GREB1: variants seen among roughly 807,000 people sequenced by gnomAD.
GREB1 encodes protein GREB1.
In GREB1, 106 loss-of-function variants were observed where a neutral mutation model predicts 200.7. That is an observed-to-expected ratio of 0.53 (90% confidence interval 0.45 to 0.62). GREB1 has a LOEUF of 0.62. GREB1 is among the 20% of genes least tolerant of loss of function. The pLI, the probability that GREB1 is intolerant of heterozygous loss-of-function variation, is 0.00. For synonymous variants in GREB1, 1,132 were observed against 1,092.4 expected (o/e 1.04, Z -0.72); for missense variants, 2,243 against 2,556.8 (o/e 0.88, Z 2.65).
chr2:11,484,603 A>G (rs1338467820), intron 1 of GREB1, among the ~76,000 whole-genome samples: 2 of 142,714 alleles, frequency 1.4e-5, no homozygotes, highest in Non-Finnish European at 1.5e-5. Context: ...AAAAAAAAAA[A>G]AAAAAGAAAG....
At chr2:11,624,454 C>T (rs1684272112) in intron 23 of GREB1, among the ~76,000 whole-genome samples, 2 of 150,812 alleles carry the variant, frequency 1.3e-5, no homozygotes, top group Admixed American at 6.7e-5. Flanking sequence ...AAGTCATTCT[C>T]CTGCCTCAGC....
intron 9 of GREB1, 119 bp downstream of exon 9, chr2:11,586,024 C>A (rs1186479745): frequency 8.7e-6 from 9 of 1,029,696 alleles, no homozygotes; most frequent in Non-Finnish European, 1.3e-5. Context: ...TGAGACAAAC[C>A]TAAAATGCTT....
chr2:11,588,298 A>G, intron 9 of GREB1: 1 of 1,089,064 alleles, frequency 9.2e-7, no homozygotes, highest in Admixed American at 4.5e-5. Context: ...ACCTTGCCAG[A>G]CAGCCCTGGG....
chr2:11,531,348 C>T (rs531839219), upstream of GREB1, among the ~76,000 whole-genome samples: 1 of 152,120 alleles, frequency 6.6e-6, no homozygotes, highest in Admixed American at 6.5e-5. Context: ...TGGTGCGACT[C>T]CAGCATTTGG....
intron 17 of GREB1, among the ~76,000 whole-genome samples, chr2:11,603,619 T>C (rs1384133095): frequency 1.3e-5 from 2 of 152,228 alleles, no homozygotes; most frequent in African/African-American, 4.8e-5. Context: ...ACTAAATCTC[T>C]TAGATACTGT....
In GREB1 at chr2:11,602,417, A is replaced by T; in HGVS notation, c.2541A>T (p.Leu847Phe). The T allele has an allele frequency of 6.2e-7, 1 of 1,613,548 alleles. No homozygotes were observed. Among genetic ancestry groups the T allele is most frequent in the Non-Finnish European group, 8.5e-7 (1 of 1,179,468 alleles). ...WPASCSNGVDLYHENKKYFGL... is the reference protein window; with the variant it reads ...WPASCSNGVDFYHENKKYFGL... ...CTTCTTTGTTTTAGGGAGTGGACTT[A>T]TATCATGAAAATAAGAAGTACTTCG... The change falls in exon 17 of 33, where the codon TTA becomes TTT. Residue 847 changes from leucine to phenylalanine, a missense_variant. By Grantham distance (22) the Leu-to-Phe change is conservative. Around this residue, in one of 3 missense-constraint regions of GREB1, gnomAD observed 1,178 missense variants for 1,387.4 expected, o/e 0.85. Coordinates refer to ENST00000381486, the MANE Select transcript of GREB1 (RefSeq NM_014668.4).
intron 1 of GREB1, among the ~76,000 whole-genome samples, chr2:11,522,748 C>G (rs921991525): frequency 6.6e-6 from 1 of 152,204 alleles, no homozygotes; most frequent in African/African-American, 2.4e-5. Flanking sequence ...TGGGGAGCAT[C>G]TTAGCTGTGC....
At chr2:11,521,130 G>A (rs971730803) in intron 1 of GREB1, among the ~76,000 whole-genome samples, 1 of 151,712 alleles carries the variant, frequency 6.6e-6, no homozygotes, top group Non-Finnish European at 1.5e-5. Context: ...TTTTTTGAGC[G>A]AGGGTCTTAC....
intron 1 of GREB1, among the ~76,000 whole-genome samples, chr2:11,534,828 T>C (rs1674217158): frequency 6.6e-6 from 1 of 152,164 alleles, no homozygotes; most frequent in Admixed American, 6.5e-5. Context: ...CTTCCTTAAG[T>C]GCTACATGAC....
At chr2:11,505,948 T>C (rs1673172121) in intron 1 of GREB1, among the ~76,000 whole-genome samples, 1 of 152,106 alleles carries the variant, frequency 6.6e-6, no homozygotes, top group Non-Finnish European at 1.5e-5. Flanking sequence ...AAAAGGATAA[T>C]GTTTAACATC....
chr2:11,606,727 CT>C (rs1486040049), intron 17 of GREB1, among the ~76,000 whole-genome samples: 1 of 150,738 alleles, frequency 6.6e-6, no homozygotes, highest in Non-Finnish European at 1.5e-5. Context: ...CAATCTCTGC[CT>C]TTTAATTGAT....
chr2:11,600,709 G>A, intron 15 of GREB1, 91 bp from the exon 16 acceptor site: 6 of 993,208 alleles, frequency 6.0e-6, no homozygotes, highest in Non-Finnish European at 9.6e-6. Flanking sequence ...GGTAAAGTCA[G>A]GGGTTAGTTA....
intron 18 of GREB1, 35 bp downstream of exon 18, chr2:11,611,062 G>C: frequency 1.4e-6 from 2 of 1,479,148 alleles, no homozygotes; most frequent in Admixed American, 2.1e-5. Flanking sequence ...CGGAGGGCCT[G>C]GGGGTACCTG....
intron 1 of GREB1, among the ~76,000 whole-genome samples, chr2:11,539,455 G>C (rs989655043): frequency 2.0e-5 from 3 of 152,166 alleles, no homozygotes; most frequent in African/African-American, 7.2e-5. Context: ...AGGGGCACGT[G>C]CTCGCTTATG....
chr2:11,574,606 G>A (rs1057290169), intron 4 of GREB1, among the ~76,000 whole-genome samples: 2 of 152,184 alleles, frequency 1.3e-5, no homozygotes, highest in Admixed American at 6.5e-5. Flanking sequence ...GGGCAGCCTC[G>A]GATGCCAGGC....
intron 1 of GREB1, among the ~76,000 whole-genome samples, chr2:11,515,065 T>G (rs1251915628): frequency 6.6e-6 from 1 of 151,400 alleles, no homozygotes; most frequent in Non-Finnish European, 1.5e-5. Context: ...CACACATGTA[T>G]CCATCCTCTC....
rs202022328 is a variant in GREB1, at chr2:11,618,822, C to T, written c.3947C>T (p.Thr1316Met). ...TEQSLYYRQW[T>M]VPRPSHMDYG... ...CAGTCCCTCTACTACCGGCAGTGGACGGTGCCCCGGCCCAGCCACATGGAC... is the reference window on the plus strand; with the variant it reads ...CAGTCCCTCTACTACCGGCAGTGGATGGTGCCCCGGCCCAGCCACATGGAC... Residue 1316 changes from threonine to methionine, a missense_variant, in exon 22 of 33, where the codon ACG becomes ATG. Transcript: ENST00000381486. The T allele has an allele frequency of 2.4e-5, 38 of 1,605,424 alleles. No homozygotes were observed. The highest frequency in any genetic ancestry group is 1.8e-4 in the Admixed American group (11 of 59,916).
At chr2:11,614,785 G>C (rs190539447) in intron 19 of GREB1, among the ~76,000 whole-genome samples, 30 of 152,090 alleles carry the variant, frequency 2.0e-4, no homozygotes, top group Non-Finnish European at 4.1e-4. Context: ...GGATGGTCTC[G>C]ATCTCCTGAC....
chr2:11,595,492 C>A, intron 12 of GREB1, 113 bp downstream of exon 12: 1 of 1,031,536 alleles, frequency 9.7e-7, no homozygotes, highest in Non-Finnish European at 1.4e-6. Flanking sequence ...CTGGCCTCCA[C>A]TGCAGAGTGC....
Sources: gnomAD v4.1 joint callset for allele counts (sites outside exome capture counted in the v4.1 genomes callset) on GRCh38, gnomAD v4.1.1 for gene constraint, gnomAD v4.1.1 regional missense constraint, MANE v1.5 for transcripts, NCBI Gene and HGNC (gene_info 2026-07-23, HGNC 2026-07-21) for gene names.